The following ITFG1 variants were observed in gnomAD, a reference collection of about 807,000 sequenced individuals.
ITFG1 encodes T-cell immunomodulatory protein.
In ITFG1, 34 loss-of-function variants were observed where a neutral mutation model predicts 81.8. The observed-to-expected ratio is 0.42, with a 90% confidence interval of 0.32 to 0.55. ITFG1 has a LOEUF of 0.55. Ranked by LOEUF, ITFG1 falls within the 20% of genes least tolerant of loss-of-function variation. The probability of loss-of-function intolerance (pLI) is 0.17; values close to 1 mark genes in which losing one functional copy is unlikely to be tolerated. For synonymous variants in ITFG1, 285 were observed against 270.6 expected, an observed-to-expected ratio of 1.05 and a Z score of -0.52; for missense variants, 672 against 755.4, an observed-to-expected ratio of 0.89 and a Z score of 1.29.
intron 7 of ITFG1, among the ~76,000 whole-genome samples, chr16:47,375,527 CT>C (rs1968312917): frequency 6.6e-6 from 1 of 152,000 alleles, no homozygotes; most frequent in African/African-American, 2.4e-5. Flanking sequence ...AAAAATTGGT[CT>C]TTTTAAAATA....
chr16:47,385,297 A>T (rs1201674550), intron 6 of ITFG1, among the ~76,000 whole-genome samples: 2 of 152,212 alleles, frequency 1.3e-5, no homozygotes, highest in Non-Finnish European at 2.9e-5. Flanking sequence ...AGTTCAAAAA[A>T]ATTAAACAAA....
chr16:47,239,622 T>C (rs1965911921), intron 12 of ITFG1, among the ~76,000 whole-genome samples: 1 of 152,210 alleles, frequency 6.6e-6, no homozygotes, highest in Non-Finnish European at 1.5e-5. Flanking sequence ...TCATTTACTA[T>C]AGAATATTTA....
intron 10 of ITFG1, among the ~76,000 whole-genome samples, chr16:47,273,953 C>G (rs1966370506): frequency 6.6e-6 from 1 of 152,020 alleles, no homozygotes. Flanking sequence ...ACTTTAATAA[C>G]TATGAGATAC....
intron 8 of ITFG1, among the ~76,000 whole-genome samples, chr16:47,357,931 A>T (rs1968062110): frequency 6.6e-6 from 1 of 152,182 alleles, no homozygotes; most frequent in African/African-American, 2.4e-5. Flanking sequence ...ATTTATCAGA[A>T]TCACATCTGG....
intron 5 of ITFG1, chr16:47,449,891 T>C (rs1969368055): frequency 6.6e-6 from 1 of 152,214 alleles, no homozygotes; most frequent in Non-Finnish European, 1.5e-5. Flanking sequence ...TTATTAATAC[T>C]TTGTGAATTA....
At chr16:47,379,688 CAAAA>C (rs796178640) in intron 6 of ITFG1, among the ~76,000 whole-genome samples, 1 of 73,966 alleles carries the variant, frequency 1.4e-5, no homozygotes, top group African/African-American at 5.0e-5. Flanking sequence ...TATTCCATCT[CAAAA>C]AAAAAAAAAA....
intron 8 of ITFG1, among the ~76,000 whole-genome samples, chr16:47,357,442 G>A (rs1454465489): frequency 6.6e-6 from 1 of 151,632 alleles, no homozygotes; most frequent in Non-Finnish European, 1.5e-5. Flanking sequence ...GTGAAACCCC[G>A]TCTCTACTAA....
chr16:47,260,693 T>C lies in ITFG1; in HGVS notation c.1073A>G (p.Asn358Ser). Residue 358 changes from asparagine to serine, a missense_variant and splice_region_variant, in exon 11 of 18, where the codon AAC becomes AGC. Coordinates refer to ENST00000320640, the MANE Select transcript of ITFG1 (RefSeq NM_030790.5). The stretch of plus-strand genomic sequence containing the variant: ...GTTCTCCAGTAAAAAGGCCTGCTGG[T>C]TGCTGTGCGCCAAAGGAAAGGCATT... ...LVILKNTSGS[N>S]QQAFLLENVP... The C allele has an allele frequency of 6.2e-7, 1 of 1,614,202 alleles. No individual in the cohort carries two copies. The highest frequency in any genetic ancestry group is 1.1e-5 in the South Asian group (1 of 91,082).
chr16:47,262,283 TATTATAG>T (rs879307564), intron 10 of ITFG1, among the ~76,000 whole-genome samples: 3 of 152,246 alleles, frequency 2.0e-5, no homozygotes, highest in Non-Finnish European at 4.4e-5. Context: ...GTTCATGACC[TATTATAG>T]AACAGTATTT....
intron 5 of ITFG1, among the ~76,000 whole-genome samples, chr16:47,443,050 T>G (rs527583575): frequency 7.9e-5 from 12 of 151,816 alleles, no homozygotes; most frequent in Admixed American, 2.6e-4. Context: ...CAAACAAATT[T>G]ACAAGAAAAA....
At chr16:47,438,031 T>C (rs1969191580) in intron 5 of ITFG1, among the ~76,000 whole-genome samples, 1 of 152,178 alleles carries the variant, frequency 6.6e-6, no homozygotes, top group Non-Finnish European at 1.5e-5. Context: ...CACCAGGAGA[T>C]TACATCCTGC....
chr16:47,446,089 CCAA>C, intron 5 of ITFG1, among the ~76,000 whole-genome samples: 1 of 152,220 alleles, frequency 6.6e-6, no homozygotes, highest in East Asian at 1.9e-4. Context: ...ATGTTAAGTG[CCAA>C]CCCCAGACTT....
chr16:47,174,178 GAATT>G (rs1424338194), intron 14 of ITFG1, among the ~76,000 whole-genome samples: 1 of 152,128 alleles, frequency 6.6e-6, no homozygotes, highest in African/African-American at 2.4e-5. Flanking sequence ...TTAGGATCCT[GAATT>G]AATTAACAAT....
At chr16:47,161,472 T>C (rs1461670758) in intron 16 of ITFG1, 1 of 223,998 alleles carries the variant, frequency 4.5e-6, no homozygotes, top group Non-Finnish European at 8.9e-6. Flanking sequence ...AATTTATAAC[T>C]AGTAAACTGA....
chr16:47,242,795 G>C (rs1965949826), intron 12 of ITFG1, among the ~76,000 whole-genome samples: 1 of 152,084 alleles, frequency 6.6e-6, no homozygotes, highest in Admixed American at 6.6e-5. Flanking sequence ...TTCAAAACAA[G>C]GGAGAATTAA....
intron 8 of ITFG1, among the ~76,000 whole-genome samples, chr16:47,332,085 T>G (rs1967644328): frequency 6.6e-6 from 1 of 152,178 alleles, no homozygotes; most frequent in Admixed American, 6.6e-5. Flanking sequence ...TTTCTCACTC[T>G]GACTAAATCC....
rs868778526 is a variant in ITFG1 at position 47,181,272 on chromosome 16, C to T, written c.1454-18608G>A. Among the ~76,000 whole-genome samples, 68 of 148,098 alleles carry T rather than the reference C, an allele frequency of 4.6e-4. 1 individual carries two copies. Among genetic ancestry groups the T allele is most frequent in the African/African-American group, 1.3e-3 (53 of 39,956 alleles). The stretch of plus-strand genomic sequence containing the variant: ...GAGCCCCTCCGCCCGGCAGCCACCC[C>T]GTCTGGGAAGTGAGGAGCGTCTCTG... On this transcript the variant is annotated intron_variant, in intron 14 of 17. Coordinates refer to ENST00000320640, the MANE Select transcript of ITFG1 (RefSeq NM_030790.5).
intron 10 of ITFG1, chr16:47,263,469 AT>A (rs1966235789): frequency 2.6e-6 from 1 of 379,434 alleles, no homozygotes; most frequent in South Asian, 2.4e-5. Context: ...AATGCAGTTG[AT>A]CTTCATGACA....
At chr16:47,249,586 T>C (rs1966043587) in intron 12 of ITFG1, among the ~76,000 whole-genome samples, 1 of 152,134 alleles carries the variant, frequency 6.6e-6, no homozygotes, top group Non-Finnish European at 1.5e-5. Flanking sequence ...TATTCACAAA[T>C]AAAAAGCAGT....
Sources: allele counts gnomAD v4.1 joint callset (sites outside exome capture counted in the v4.1 genomes callset), GRCh38; gene constraint gnomAD v4.1.1; transcripts MANE v1.5; gene names NCBI Gene and HGNC (gene_info 2026-07-23, HGNC 2026-07-21).